Variants in DNAH3 observed in about 807,000 individuals in gnomAD.
DNAH3 encodes axonemal beta dynein heavy chain 3.
A neutral mutation model predicts 432.5 loss-of-function variants in DNAH3; 332 were observed. The ratio of observed to expected loss-of-function variants is 0.77; its 90% CI spans 0.70 to 0.84. The LOEUF (loss-of-function observed/expected upper bound fraction) is 0.84, where lower values mean the gene tolerates loss of function less well. DNAH3 is among the 40% of genes least tolerant of loss of function. The pLI, the probability that DNAH3 is intolerant of heterozygous loss-of-function variation, is 0.00. For missense variants in DNAH3, 4,861 were observed against 5,114.0 expected, an observed-to-expected ratio of 0.95 and a Z score of 1.51; for synonymous variants, 1,956 against 1,900.2, an observed-to-expected ratio of 1.03 and a Z score of -0.76.
intron 3 of DNAH3, 65 bp from the exon 5 acceptor site, chr16:21,141,437 G>A: frequency 1.7e-6 from 2 of 1,203,638 alleles, no homozygotes; most frequent in South Asian, 2.6e-5. Flanking sequence ...TCCGTCCACA[G>A]GGGCATGACT....
chr16:21,069,088 C>G (rs942923121), intron 23 of DNAH3, among the ~76,000 whole-genome samples: 1 of 110,368 alleles, frequency 9.1e-6, no homozygotes, highest in Admixed American at 1.1e-4. Context: ...CAATGCCTGG[C>G]TAATATTTGT....
rs756357963 is a variant in DNAH3 at position 20,967,492 on chromosome 16, CTTT to C, written c.8459-2070_8459-2068del. On this transcript the variant is annotated intron_variant, in intron 52 of 61. Coordinates refer to ENST00000261383, the Ensembl canonical transcript of DNAH3. ...TCTAGGAGTGGGGCACAGACTTCTGCTTTTTTTTTTTTTTTTTTTTTTTTTTTG... is the reference window on the plus strand; with the variant it reads ...TCTAGGAGTGGGGCACAGACTTCTGCTTTTTTTTTTTTTTTTTTTTTTTTG... Among the ~76,000 whole-genome samples the C allele has an allele frequency of 6.9e-3, 365 of 52,758 alleles. 2 individuals carry two copies. Among genetic ancestry groups the C allele is most frequent in the African/African-American group, 0.033 (348 of 10,426 alleles). 34.6% of individuals were successfully genotyped at this position (52,758 alleles called of 152,430 possible). A position where few individuals can be genotyped will look rare whatever the true frequency, so the allele number is the denominator to read the frequency against.
chr16:21,072,196 A>G (rs1473420292), intron 21 of DNAH3, among the ~76,000 whole-genome samples: 5 of 151,872 alleles, frequency 3.3e-5, no homozygotes, highest in African/African-American at 1.2e-4. Flanking sequence ...ATTGTGAACC[A>G]AGAAAGTTTG....
At chr16:20,944,500 G>C (rs763848153) in exon 58 of DNAH3, 3 of 1,614,074 alleles carry the variant, frequency 1.9e-6, no homozygotes, top group South Asian at 2.2e-5. Context: ...AGTTACCTGA[G>C]GGGACTTGCC....
At chr16:21,012,901 A>G (rs1791085893) in intron 41 of DNAH3, among the ~76,000 whole-genome samples, 1 of 152,096 alleles carries the variant, frequency 6.6e-6, no homozygotes, top group Non-Finnish European at 1.5e-5. Flanking sequence ...AGGTGGGACT[A>G]CAGGTGAGCG....
intron 49 of DNAH3, among the ~76,000 whole-genome samples, chr16:20,982,055 C>G (rs1023677809): frequency 6.7e-6 from 1 of 148,888 alleles, no homozygotes; most frequent in African/African-American, 2.5e-5. Flanking sequence ...TATATATGTG[C>G]TTTATACATA....
At chr16:21,060,556 C>T (rs377574078) in intron 25 of DNAH3, among the ~76,000 whole-genome samples, 200 bp from the exon 26 acceptor site, 1 of 133,360 alleles carries the variant, frequency 7.5e-6, no homozygotes, top group Non-Finnish European at 1.5e-5. Flanking sequence ...TACAGAGTCT[C>T]GCTCTGTCAC....
At chr16:20,985,346 C>G in exon 48 of DNAH3, 1 of 1,614,082 alleles carries the variant, frequency 6.2e-7, no homozygotes, top group Admixed American at 1.7e-5. Flanking sequence ...CAGTCATTGC[C>G]TGCGTAGTTC....
At chr16:21,049,735 A>T in intron 30 of DNAH3, 53 bp from the exon 31 acceptor site, 1 of 1,538,522 alleles carries the variant, frequency 6.5e-7, no homozygotes, top group Non-Finnish European at 9.0e-7. Context: ...ATCCCATCTG[A>T]ATTACCCCGC....
At chr16:21,082,150 A>G (rs535549361) in intron 19 of DNAH3, among the ~76,000 whole-genome samples, 52 of 152,114 alleles carry the variant, frequency 3.4e-4, no homozygotes, top group African/African-American at 1.2e-3. Context: ...TCCTCCCACC[A>G]TAGCCTCCCA....
At chr16:20,940,620 T>A (rs1250889797) in intron 59 of DNAH3, among the ~76,000 whole-genome samples, 2 of 149,584 alleles carry the variant, frequency 1.3e-5, no homozygotes, top group Non-Finnish European at 3.0e-5. Flanking sequence ...TTTGGAGAGA[T>A]GGGGTCTTGC....
At chr16:20,979,616 A>G (rs2085762254) in intron 49 of DNAH3, 70 bp from the exon 50 acceptor site, 1 of 1,407,096 alleles carries the variant, frequency 7.1e-7, no homozygotes, top group Non-Finnish European at 1.0e-6. Context: ...AGCTTTAGTT[A>G]TAGACATGAG....
chr16:20,981,503 G>A lies in DNAH3; in HGVS notation c.7859+1218C>T, dbSNP rs192815053. ...AATCCCAGCACTTTGGGAGGCCGAG[G>A]TGGGCAAATCACTTAAGGTCAGTTG... is the stretch of plus-strand genomic sequence containing the variant. On this transcript the variant is annotated intron_variant, in intron 49 of 61. Transcript: ENST00000261383. Among the ~76,000 whole-genome samples, 6 of 152,212 alleles carry A rather than the reference G, an allele frequency of 3.9e-5. No homozygotes were observed. In the East Asian group the frequency reaches 9.6e-4, roughly 24 times the overall value.
At chr16:21,153,896 C>T (rs984043611) in intron 1 of DNAH3, among the ~76,000 whole-genome samples, 12 of 152,196 alleles carry the variant, frequency 7.9e-5, no homozygotes, top group Admixed American at 5.9e-4. Context: ...GGCTTTCCAT[C>T]CTTTCAAAAT....
chr16:20,994,135 T>C (rs1407623733), intron 44 of DNAH3, among the ~76,000 whole-genome samples: 1 of 152,116 alleles, frequency 6.6e-6, no homozygotes, highest in Non-Finnish European at 1.5e-5. Flanking sequence ...TCTTCATTTC[T>C]TTTTTAAAAA....
At chr16:21,013,178 A>G (rs1469082732) in intron 41 of DNAH3, among the ~76,000 whole-genome samples, 1 of 152,122 alleles carries the variant, frequency 6.6e-6, no homozygotes, top group African/African-American at 2.4e-5. Flanking sequence ...GAAATCATGA[A>G]ATTGACAACA....
chr16:21,137,877 G>A (rs1312859848), intron 5 of DNAH3, among the ~76,000 whole-genome samples: 1 of 152,242 alleles, frequency 6.6e-6, no homozygotes, highest in African/African-American at 2.4e-5. Flanking sequence ...GTGGCTCTGG[G>A]AATGACTAAT....
At chr16:20,987,441 T>C (rs2086252170) in exon 47 of DNAH3, 1 of 1,614,014 alleles carries the variant, frequency 6.2e-7, no homozygotes, top group African/African-American at 1.3e-5. Context: ...GATACATTTT[T>C]CTACATCCTA....
At chr16:21,033,717 A>C (rs1182058803) in intron 36 of DNAH3, among the ~76,000 whole-genome samples, 1 of 152,200 alleles carries the variant, frequency 6.6e-6, no homozygotes, top group African/African-American at 2.4e-5. Flanking sequence ...GGACCTTTGG[A>C]GAAACCACTG....
Sources: allele counts gnomAD v4.1 joint callset (sites outside exome capture counted in the v4.1 genomes callset), GRCh38; gene constraint gnomAD v4.1.1; transcripts MANE v1.5; gene names NCBI Gene and HGNC (gene_info 2026-07-23, HGNC 2026-07-21).